BICC1: variants seen among roughly 807,000 people sequenced by gnomAD.
BICC1 encodes the protein protein bicaudal C homolog 1.
A neutral mutation model predicts 111.0 loss-of-function variants in BICC1; 43 were observed. That is an observed-to-expected ratio of 0.39 (90% confidence interval 0.30 to 0.50). The LOEUF (loss-of-function observed/expected upper bound fraction) is 0.50. Ranked by LOEUF, BICC1 falls within the 20% of genes least tolerant of loss-of-function variation. The pLI, the probability that BICC1 is intolerant of heterozygous loss-of-function variation, is 0.88. For missense variants in BICC1, 1,091 were observed against 1,203.2 expected (o/e 0.91, Z 1.38); for synonymous variants, 467 against 434.4 (o/e 1.07, Z -0.93).
chr10:58,823,714 G>A, intron 20 of BICC1: 1 of 985,254 alleles, frequency 1.0e-6, no homozygotes, highest in Non-Finnish European at 1.2e-6. Flanking sequence ...ATGTCTTCCT[G>A]AATTGTATGT....
intron 17 of BICC1, 38 bp from the exon 18 acceptor site, chr10:58,813,792 G>T (rs745672743): frequency 6.2e-7 from 1 of 1,602,846 alleles, no homozygotes; most frequent in South Asian, 1.1e-5. Context: ...AAACCCACCT[G>T]ATTAAATATT....
At chr10:58,543,343 G>A (rs193097534) in intron 1 of BICC1, among the ~76,000 whole-genome samples, 326 of 152,242 alleles carry the variant, frequency 2.1e-3, no homozygotes, top group Middle Eastern at 0.014. Context: ...AGAATGGGTA[G>A]TTACCAAGGG....
chr10:58,608,451 G>A (rs1277852397), intron 1 of BICC1, among the ~76,000 whole-genome samples: 2 of 152,182 alleles, frequency 1.3e-5, no homozygotes, highest in African/African-American at 4.8e-5. Flanking sequence ...AGACATTCAT[G>A]AGTATTCACA....
intron 1 of BICC1, among the ~76,000 whole-genome samples, chr10:58,592,509 G>A (rs927926632): frequency 2.0e-5 from 3 of 151,818 alleles, no homozygotes; most frequent in African/African-American, 7.3e-5. Context: ...TCAGGAGATC[G>A]AGACCATCCT....
At chr10:58,627,706 T>C (rs1341248559) in intron 2 of BICC1, among the ~76,000 whole-genome samples, 2 of 152,230 alleles carry the variant, frequency 1.3e-5, no homozygotes, top group African/African-American at 4.8e-5. Context: ...GTCTATTTAA[T>C]TGTCTTTTCA....
chr10:58,707,237 AG>A (rs755829832), intron 3 of BICC1, among the ~76,000 whole-genome samples: 3 of 152,200 alleles, frequency 2.0e-5, no homozygotes, highest in Non-Finnish European at 4.4e-5. Context: ...GAAAAATAGT[AG>A]ACAGTTCGTT....
chr10:58,729,969 A>T (rs1841237245), intron 3 of BICC1, among the ~76,000 whole-genome samples: 3 of 152,154 alleles, frequency 2.0e-5, no homozygotes, highest in African/African-American at 7.2e-5. Context: ...CACAGATCTC[A>T]TATCCTTCTC....
At chr10:58,824,254 C>T (rs1276711960) in intron 20 of BICC1, 3 of 236,732 alleles carry the variant, frequency 1.3e-5, no homozygotes, top group African/African-American at 7.0e-5. Context: ...GGGCAAGTGA[C>T]TTAGTCTATT....
intron 1 of BICC1, among the ~76,000 whole-genome samples, chr10:58,599,707 C>T (rs933168972): frequency 6.6e-6 from 1 of 152,086 alleles, no homozygotes; most frequent in Non-Finnish European, 1.5e-5. Flanking sequence ...CTCCTTAATC[C>T]TACCCAGAAA....
intron 1 of BICC1, among the ~76,000 whole-genome samples, chr10:58,570,263 T>C (rs1200676564): frequency 2.6e-5 from 4 of 152,222 alleles, no homozygotes; most frequent in African/African-American, 9.6e-5. Flanking sequence ...AGATGTAGTA[T>C]CCAGTTCTGA....
In BICC1 at chr10:58,621,903, TTAGAATAGAATAGAATAGAA is replaced by T. The variant is rs60609267; in HGVS notation, c.237+1050_237+1069del. ...ACAGAGTGAGACTTTGTCTCTAAAATTAGAATAGAATAGAATAGAATAGAATAGAATAGAATAGAATAGAA... is the reference window on the plus strand; with the variant it reads ...ACAGAGTGAGACTTTGTCTCTAAAATTAGAATAGAATAGAATAGAATAGAA... On this transcript the variant is annotated intron_variant, in intron 2 of 20. Transcript: ENST00000373886. Among the ~76,000 whole-genome samples the T allele has an allele frequency of 2.7e-3, 120 of 44,782 alleles. 11 individuals are homozygous for T. The highest frequency in any genetic ancestry group is 0.011 in the African/African-American group (101 of 9,294). The allele number at this position is 44,782 out of a possible 152,430, so 29.4% of individuals were successfully genotyped here.
At chr10:58,566,244 A>G (rs1339061691) in intron 1 of BICC1, among the ~76,000 whole-genome samples, 1 of 151,500 alleles carries the variant, frequency 6.6e-6, no homozygotes, top group Admixed American at 6.6e-5. Flanking sequence ...ACATGTACAC[A>G]CGTGCATATA....
At chr10:58,667,454 G>A (rs1335207990) in intron 2 of BICC1, among the ~76,000 whole-genome samples, 6 of 146 alleles carry the variant, frequency 0.041, no homozygotes, top group Non-Finnish European at 0.088. Flanking sequence ...TCTTAGGGAA[G>A]GTAGTTTTAA....
intron 16 of BICC1, 105 bp from the exon 17 acceptor site, chr10:58,806,899 G>T: frequency 1.0e-6 from 1 of 996,758 alleles, no homozygotes; most frequent in South Asian, 1.7e-5. Context: ...ATAACATTCA[G>T]TGATAATTTC....
chr10:58,786,303 T>A (rs1843009500), intron 4 of BICC1, among the ~76,000 whole-genome samples: 1 of 152,196 alleles, frequency 6.6e-6, no homozygotes, highest in Non-Finnish European at 1.5e-5. Flanking sequence ...TTAATATAAC[T>A]AATGTACTTT....
At chr10:58,601,297 A>G in intron 1 of BICC1, among the ~76,000 whole-genome samples, 1 of 151,194 alleles carries the variant, frequency 6.6e-6, no homozygotes, top group Non-Finnish European at 1.5e-5. Context: ...AATAGTTACA[A>G]TCATGTTTCA....
At chr10:58,673,111 T>C (rs1388888962) in intron 2 of BICC1, among the ~76,000 whole-genome samples, 1 of 152,202 alleles carries the variant, frequency 6.6e-6, no homozygotes, top group African/African-American at 2.4e-5. Context: ...AGTAGCTTCT[T>C]TGGAAATTTT....
chr10:58,813,894 A>T lies in BICC1; in HGVS notation c.2441A>T (p.Asp814Val), dbSNP rs147052030. The T allele has an allele frequency of 6.6e-5, 106 of 1,614,036 alleles. No homozygotes were observed. The African/African-American group carries it at 1.3e-3, about 20-fold the overall frequency. The change falls in exon 18 of 21, where the codon GAT becomes GTT. Residue 814 changes from aspartate (D) to valine (V), a missense_variant. Transcript: ENST00000373886. Reference sequence around the variant, plus strand: ...CACTTGGGAGGTGGAAGCGAATCTGATAACTGGAGAGACCGAAATGGAATT... The same window carrying T: ...CACTTGGGAGGTGGAAGCGAATCTGTTAACTGGAGAGACCGAAATGGAATT... ...REHLGGGSES[D>V]NWRDRNGIGP...
At chr10:58,710,087 T>G (rs540556720) in intron 3 of BICC1, among the ~76,000 whole-genome samples, 5 of 152,214 alleles carry the variant, frequency 3.3e-5, no homozygotes, top group African/African-American at 4.8e-5. Context: ...CTAAATATTT[T>G]ATGTACATAA....
Sources: allele counts gnomAD v4.1 joint callset (sites outside exome capture counted in the v4.1 genomes callset), GRCh38; gene constraint gnomAD v4.1.1; transcripts MANE v1.5; gene names NCBI Gene and HGNC (gene_info 2026-07-23, HGNC 2026-07-21).